DLG2: variants seen among roughly 807,000 people sequenced by gnomAD.
DLG2 encodes discs large MAGUK scaffold protein 2, also known as disks large homolog 2.
A neutral mutation model predicts 132.5 loss-of-function variants in DLG2; 45 were observed. The observed-to-expected ratio is 0.34, with a 90% CI of 0.27 to 0.44. The LOEUF (loss-of-function observed/expected upper bound fraction) is 0.44, where lower values mean the gene tolerates loss of function less well. Ranked by LOEUF, DLG2 falls within the 20% of genes least tolerant of loss-of-function variation. DLG2 has a pLI of 1.00. For missense variants in DLG2, 1,045 were observed against 1,196.9 expected, an observed-to-expected ratio of 0.87 and a Z score of 1.87; for synonymous variants, 424 against 419.6, an observed-to-expected ratio of 1.01 and a Z score of -0.13.
intron 4 of DLG2, among the ~76,000 whole-genome samples, chr11:85,273,868 A>G (rs1362450382): frequency 1.3e-5 from 2 of 152,250 alleles, no homozygotes; most frequent in East Asian, 3.8e-4. Context: ...ATGTCCATCA[A>G]TGATAGATAG....
At chr11:84,645,258 G>A (rs2099673243) in intron 6 of DLG2, among the ~76,000 whole-genome samples, 1 of 152,050 alleles carries the variant, frequency 6.6e-6, no homozygotes, top group South Asian at 2.1e-4. Flanking sequence ...TCAGTAAAAT[G>A]GGCGTTATAA....
intron 9 of DLG2, among the ~76,000 whole-genome samples, chr11:84,140,730 T>G (rs993451700): frequency 2.6e-5 from 4 of 152,154 alleles, no homozygotes; most frequent in Admixed American, 2.6e-4. Context: ...CATCTTTCTC[T>G]CTCAGCTGCT....
At chr11:83,494,226 ATTAT>A (rs149949903) in intron 21 of DLG2, among the ~76,000 whole-genome samples, 5,076 of 151,808 alleles carry the variant, frequency 0.033, 308 homozygotes, top group African/African-American at 0.12. Context: ...TTAAGTCCTA[ATTAT>A]TTATAGACTA....
chr11:84,483,514 GC>G lies in DLG2; in HGVS notation c.519+51055del, dbSNP rs537045476. Among the ~76,000 whole-genome samples the G allele has an allele frequency of 1.4e-3, 218 of 151,274 alleles. 2 individuals carry two copies. The highest frequency in any genetic ancestry group is 4.9e-3 in the African/African-American group (204 of 41,228). ...AACTTAATGCTGGACAAATGAGGAAGCTGAAACTACTTTTTGCACTGTCGTT... is the reference window on the plus strand; with the variant it reads ...AACTTAATGCTGGACAAATGAGGAAGTGAAACTACTTTTTGCACTGTCGTT... On this transcript the variant is annotated intron_variant, in intron 7 of 27. Coordinates refer to ENST00000376104, the MANE Select transcript of DLG2 (RefSeq NM_001142699.3).
intron 3 of DLG2, among the ~76,000 whole-genome samples, chr11:85,431,868 G>A (rs1480517509): frequency 6.6e-6 from 1 of 152,208 alleles, no homozygotes; most frequent in Non-Finnish European, 1.5e-5. Context: ...CTAGGTAAGA[G>A]CCCCCAACAG....
chr11:85,466,449 T>C (rs1315522454), intron 3 of DLG2, among the ~76,000 whole-genome samples: 1 of 152,194 alleles, frequency 6.6e-6, no homozygotes, highest in African/African-American at 2.4e-5. Context: ...TTAGGTCTAA[T>C]ATGTAAGTCT....
chr11:83,795,151 A>T (rs889450010), intron 17 of DLG2, among the ~76,000 whole-genome samples: 11 of 152,272 alleles, frequency 7.2e-5, no homozygotes, highest in African/African-American at 2.6e-4. Flanking sequence ...CACGCCTGTA[A>T]TCCCAGCACT....
intron 8 of DLG2, among the ~76,000 whole-genome samples, chr11:84,214,891 A>G (rs1246094255): frequency 2.0e-5 from 3 of 152,222 alleles, no homozygotes; most frequent in African/African-American, 7.2e-5. Flanking sequence ...AGGAAAAGGT[A>G]TAAATATATC....
At chr11:83,667,784 C>T (rs1442322469) in intron 18 of DLG2, among the ~76,000 whole-genome samples, 1 of 151,784 alleles carries the variant, frequency 6.6e-6, no homozygotes, top group Non-Finnish European at 1.5e-5. Context: ...TTGAGACCAT[C>T]CTAGCTAACA....
intron 6 of DLG2, among the ~76,000 whole-genome samples, chr11:84,650,861 G>A (rs571511303): frequency 2.0e-4 from 15 of 73,894 alleles, no homozygotes; most frequent in African/African-American, 6.3e-4. Flanking sequence ...GTGTGTGTGT[G>A]TGTGTGTGTG....
At chr11:84,774,655 C>G (rs978423609) in intron 6 of DLG2, among the ~76,000 whole-genome samples, 1 of 152,076 alleles carries the variant, frequency 6.6e-6, no homozygotes, top group African/African-American at 2.4e-5. Flanking sequence ...CTACAGCCAC[C>G]TGCTCTTGAC....
At chr11:83,621,812 C>T (rs1424038068) in intron 19 of DLG2, among the ~76,000 whole-genome samples, 5 of 152,078 alleles carry the variant, frequency 3.3e-5, no homozygotes, top group South Asian at 4.1e-4. Flanking sequence ...TGTCCTAAGT[C>T]GGGGGTCAAC....
chr11:83,783,598 T>C (rs1452553843), intron 18 of DLG2, among the ~76,000 whole-genome samples: 1 of 152,134 alleles, frequency 6.6e-6, no homozygotes, highest in Non-Finnish European at 1.5e-5. Context: ...CACTAGTTCA[T>C]CAACTCTTTA....
chr11:84,774,257 C>T (rs904382205), intron 6 of DLG2, among the ~76,000 whole-genome samples: 2 of 151,668 alleles, frequency 1.3e-5, no homozygotes, highest in Non-Finnish European at 2.9e-5. Context: ...AGAAGAACTA[C>T]AAAATACTGC....
chr11:85,578,458 T>G (rs1325531090), intron 3 of DLG2, among the ~76,000 whole-genome samples: 1 of 152,088 alleles, frequency 6.6e-6, no homozygotes, highest in East Asian at 1.9e-4. Flanking sequence ...ACAGACAACC[T>G]ATACAATGGG....
At chr11:84,364,101 A>C (rs1448404713) in intron 7 of DLG2, among the ~76,000 whole-genome samples, 1 of 152,210 alleles carries the variant, frequency 6.6e-6, no homozygotes, top group Middle Eastern at 3.4e-3. Flanking sequence ...TACCTTGGGC[A>C]GTATGGCAAT....
intron 5 of DLG2, among the ~76,000 whole-genome samples, chr11:85,147,272 C>T (rs1160681729): frequency 2.0e-5 from 3 of 152,148 alleles, no homozygotes; most frequent in Non-Finnish European, 2.9e-5. Context: ...ATCACTGGAA[C>T]GTTCTATTCA....
At chr11:85,454,446 C>T (rs2092353062) in intron 3 of DLG2, among the ~76,000 whole-genome samples, 1 of 152,028 alleles carries the variant, frequency 6.6e-6, no homozygotes, top group Non-Finnish European at 1.5e-5. Flanking sequence ...TTGTCAGATA[C>T]ATAGTTTGCA....
intron 6 of DLG2, among the ~76,000 whole-genome samples, chr11:84,608,522 A>G (rs1370913825): frequency 6.6e-6 from 1 of 152,168 alleles, no homozygotes; most frequent in African/African-American, 2.4e-5. Flanking sequence ...TTGAGGGAAC[A>G]CTGCACTACT....
Sources: gnomAD v4.1 joint callset for allele counts (sites outside exome capture counted in the v4.1 genomes callset) on GRCh38, gnomAD v4.1.1 for gene constraint, MANE v1.5 for transcripts, NCBI Gene and HGNC (gene_info 2026-07-23, HGNC 2026-07-21) for gene names.